The following ADCY1 variants were observed in gnomAD, a reference collection of about 807,000 sequenced individuals.
The protein encoded by ADCY1 is adenylate cyclase 1.
ADCY1 carries 28 observed loss-of-function variants against 105.4 expected under a neutral mutation model. That is an observed-to-expected ratio of 0.27 (90% CI 0.20 to 0.36). ADCY1 has a LOEUF of 0.36. Ranked by LOEUF, ADCY1 falls within the 10% of genes least tolerant of loss-of-function variation. ADCY1 has a pLI of 1.00. For missense variants in ADCY1, 977 were observed against 1,434.2 expected, an observed-to-expected ratio of 0.68 and a Z score of 5.15; for synonymous variants, 655 against 623.8, an observed-to-expected ratio of 1.05 and a Z score of -0.75.
chr7:45,574,944 C>T lies in ADCY1; in HGVS notation c.401C>T (p.Ala134Val). The change falls in exon 1 of 20, where the codon GCG becomes GTG. Residue 134 changes from alanine to valine, a missense_variant. Ala to Val is a moderately conservative substitution (Grantham distance 64). This residue lies in a region of ADCY1 where 209 missense variants were observed against 222.5 expected (regional missense o/e 0.94). Transcript: ENST00000297323. The surrounding 1 kb of genome is among the most constrained non-coding windows in gnomAD (Gnocchi z 7.0). The part of the protein sequence containing the change: ...QLALLFSLTF[A>V]LLCCPFALGG... ...GCGCTGCTCTTCAGCCTCACCTTCG[C>T]GCTGCTCTGCTGTCCTTTCGCGCTG... The T allele has an allele frequency of 6.2e-7, 1 of 1,612,040 alleles. No homozygotes were observed. The highest frequency in any genetic ancestry group is 8.5e-7 in the Non-Finnish European group (1 of 1,179,764).
intron 8 of ADCY1, chr7:45,664,444 C>T: frequency 6.5e-7 from 1 of 1,531,422 alleles, no homozygotes. Flanking sequence ...CAGCCCTTAT[C>T]CCCCAGGGCA....
chr7:45,605,037 CAT>C (rs1793337111), intron 2 of ADCY1, among the ~76,000 whole-genome samples: 1 of 152,106 alleles, frequency 6.6e-6, no homozygotes, highest in Non-Finnish European at 1.5e-5. Flanking sequence ...AAATCCTATA[CAT>C]GTTTTGTTAG....
chr7:45,671,496 G>A (rs1268803298), intron 8 of ADCY1, among the ~76,000 whole-genome samples: 2 of 152,030 alleles, frequency 1.3e-5, no homozygotes, highest in Admixed American at 6.5e-5. Flanking sequence ...ATAAACTGCC[G>A]AACTGTTTTC....
rs529162863 is a variant in ADCY1 at position 45,662,860 on chromosome 7, G to A, written c.1605+646G>A. Among the ~76,000 whole-genome samples the A allele has an allele frequency of 7.4e-3, 1,130 of 152,284 alleles. 8 individuals are homozygous for A. The highest frequency in any genetic ancestry group is 0.012 in the Non-Finnish European group (844 of 68,010). On this transcript the variant is annotated intron_variant, in intron 8 of 19. Transcript: ENST00000297323. ...CAGGTGCTGTGGGCAGGGCGAGCCC[G>A]GAAGCCTGGAAGCCTGGGCTTTTGC...
At chr7:45,681,977 AT>A (rs1184441663) in intron 11 of ADCY1, among the ~76,000 whole-genome samples, 1 of 152,118 alleles carries the variant, frequency 6.6e-6, no homozygotes, top group Non-Finnish European at 1.5e-5. Context: ...CTTCACCCCT[AT>A]CTGGTTTCCC....
In ADCY1 at chr7:45,620,830, A is replaced by G. The variant is rs150065130; in HGVS notation, c.909-1802A>G. On this transcript the variant is annotated intron_variant, in intron 3 of 19. Coordinates refer to ENST00000297323, the MANE Select transcript of ADCY1 (RefSeq NM_021116.4). ...TATAATTCTGTATCCGGCAAAAATC[A>G]CAAGAGCAGCACCTGCTGTTACCAC... 1.6e-3 allele frequency among the ~76,000 whole-genome samples: 238 copies of G among 152,320 alleles called. 1 individual carries two copies. The highest frequency in any genetic ancestry group is 5.0e-3 in the African/African-American group (209 of 41,568).
At chr7:45,635,629 T>TC (rs1554322115) in intron 4 of ADCY1, among the ~76,000 whole-genome samples, 33 of 144,008 alleles carry the variant, frequency 2.3e-4, no homozygotes, top group Middle Eastern at 3.5e-3. Flanking sequence ...TTTTTTTTTT[T>TC]CCAGACCCAT....
intron 14 of ADCY1, among the ~76,000 whole-genome samples, chr7:45,694,111 A>G (rs1385585311): frequency 4.0e-5 from 2 of 49,804 alleles, no homozygotes; most frequent in African/African-American, 5.5e-5. Flanking sequence ...AACTTAGAGT[A>G]TAATAAAAAA....
intron 2 of ADCY1, among the ~76,000 whole-genome samples, chr7:45,599,066 T>A (rs887965153): frequency 3.9e-5 from 6 of 152,164 alleles, no homozygotes; most frequent in Non-Finnish European, 8.8e-5. Flanking sequence ...CGGGGTGACA[T>A]GACTCCTGTG....
At chr7:45,593,817 T>C (rs1792994325) in intron 2 of ADCY1, among the ~76,000 whole-genome samples, 1 of 152,232 alleles carries the variant, frequency 6.6e-6, no homozygotes, top group Admixed American at 6.5e-5. Flanking sequence ...TGATCCCTAA[T>C]AGTTACAATA....
chr7:45,583,937 G>GTTTTTTTTTTTT (rs869216986), intron 1 of ADCY1, among the ~76,000 whole-genome samples: 4 of 56,880 alleles, frequency 7.0e-5, no homozygotes, highest in Non-Finnish European at 1.0e-4. Flanking sequence ...ACTGTGCCCT[G>GTTTTTTTTTTTT]TTTTTTTTTT....
chr7:45,614,425 A>T (rs563384830), intron 3 of ADCY1, among the ~76,000 whole-genome samples: 1 of 152,350 alleles, frequency 6.6e-6, no homozygotes, highest in African/African-American at 2.4e-5. Flanking sequence ...ATCAAAGCAC[A>T]TCAAAGCAAA....
chr7:45,618,241 G>C (rs1470186133), intron 3 of ADCY1, among the ~76,000 whole-genome samples: 1 of 152,156 alleles, frequency 6.6e-6, no homozygotes, highest in Non-Finnish European at 1.5e-5. Flanking sequence ...AAATGGATCA[G>C]ACATAAATGT....
chr7:45,701,434 C>G (rs1784992790), intron 14 of ADCY1, among the ~76,000 whole-genome samples: 1 of 152,072 alleles, frequency 6.6e-6, no homozygotes, highest in Non-Finnish European at 1.5e-5. Context: ...ATGCCATAAA[C>G]CTAGATTATG....
Position 45,708,539 on chromosome 7 carries a change from G to T in ADCY1, c.2932+75G>T. On this transcript the variant is annotated intron_variant, in intron 18 of 19. Coordinates refer to ENST00000297323, the MANE Select transcript of ADCY1 (RefSeq NM_021116.4). The surrounding 1 kb of genome is among the most constrained non-coding windows in gnomAD (Gnocchi z 4.7). ...CACCCACCTAGGGGTGGGATCAGCT[G>T]ATGAGGTACCCTGGTCTTACAGGAA... The T allele has an allele frequency of 8.6e-7, 1 of 1,159,430 alleles. No homozygotes were observed. Among genetic ancestry groups the T allele is most frequent in the Non-Finnish European group, 1.3e-6 (1 of 779,070 alleles). The allele number at this position is 1,159,430 out of a possible 1,614,324, so 71.8% of individuals were successfully genotyped here. A position where few individuals can be genotyped will look rare whatever the true frequency, so the allele number is the denominator to read the frequency against.
chr7:45,683,943 C>T (rs540837265), intron 11 of ADCY1, among the ~76,000 whole-genome samples: 4 of 152,232 alleles, frequency 2.6e-5, no homozygotes, highest in Admixed American at 2.0e-4. Context: ...CTTAGCACAC[C>T]GAGCTCACGC....
intron 17 of ADCY1, among the ~76,000 whole-genome samples, chr7:45,705,056 A>G (rs148020549): frequency 0.014 from 2,106 of 151,982 alleles, 37 homozygotes; most frequent in African/African-American, 0.047. Flanking sequence ...GTCTAGATTT[A>G]TTAAAGAAGT....
chr7:45,713,877 G>T lies in ADCY1; in HGVS notation c.3242G>T (p.Gly1081Val), dbSNP rs765286030. The T allele has an allele frequency of 2.6e-6, 2 of 780,652 alleles. No homozygotes were observed. Among genetic ancestry groups the T allele is most frequent in the African/African-American group, 1.7e-5 (1 of 59,164 alleles). 48.4% of individuals were successfully genotyped at this position (780,652 alleles called of 1,614,324 possible). The change falls in exon 20 of 20, where the codon GGC becomes GTC. Residue 1081 changes from glycine (G) to valine (V), a missense_variant. Transcript: ENST00000297323. ...AAAATGTGTCCATTTGGGAGAGCTG[G>T]CCTTCAGGGCAGACGTCCCCCCGTG... ...DRKMCPFGRA[G>V]LQGRRPPVCP...
intron 1 of ADCY1, among the ~76,000 whole-genome samples, chr7:45,579,517 A>T (rs182576149): frequency 6.6e-6 from 1 of 151,478 alleles, no homozygotes; most frequent in Non-Finnish European, 1.5e-5. Flanking sequence ...TGGCCCGCTT[A>T]TCTTCGTGGC....
Sources: gnomAD v4.1 joint callset for allele counts (sites outside exome capture counted in the v4.1 genomes callset) on GRCh38, gnomAD v4.1.1 for gene constraint, gnomAD v4.1.1 regional missense constraint, Gnocchi (gnomAD v3.1) non-coding constraint, MANE v1.5 for transcripts, NCBI Gene and HGNC (gene_info 2026-07-23, HGNC 2026-07-21) for gene names.